Variants in MME observed in about 807,000 individuals in gnomAD.
The protein encoded by MME is membrane metalloendopeptidase.
Under a neutral mutation model 113.2 loss-of-function variants are expected in MME, and 98 were observed. The observed-to-expected ratio is 0.87, with a 90% confidence interval of 0.74 to 1.02. The LOEUF is 1.02. Ranked by LOEUF, MME falls within the 50% of genes least tolerant of loss-of-function variation. The probability of loss-of-function intolerance (pLI) is 0.00; values close to 1 mark genes in which losing one functional copy is unlikely to be tolerated. For missense variants in MME, 836 were observed against 896.0 expected (o/e 0.93, Z 0.86); for synonymous variants, 292 against 300.6 (o/e 0.97, Z 0.30).
chr3:155,100,080 G>A (rs1178724600), intron 3 of MME, among the ~76,000 whole-genome samples: 23 of 152,046 alleles, frequency 1.5e-4, no homozygotes, highest in African/African-American at 2.9e-4. Flanking sequence ...GAGCTTCTGC[G>A]CAGCAAAAGA....
chr3:155,141,487 A>G (rs528807571), intron 10 of MME, among the ~76,000 whole-genome samples: 1 of 152,258 alleles, frequency 6.6e-6, no homozygotes, highest in African/African-American at 2.4e-5. Flanking sequence ...AATATCGATA[A>G]TTGAAAAGAT....
intron 17 of MME, among the ~76,000 whole-genome samples, chr3:155,164,760 C>T (rs1032342339): frequency 6.6e-6 from 1 of 152,150 alleles, no homozygotes; most frequent in African/African-American, 2.4e-5. Context: ...AAAATAAGTT[C>T]ATGGCTCCAT....
chr3:155,052,685 G>C (rs1377383782), intron 1 of MME, among the ~76,000 whole-genome samples: 1 of 152,224 alleles, frequency 6.6e-6, no homozygotes, highest in Non-Finnish European at 1.5e-5. Flanking sequence ...CTCTGGGCCT[G>C]TGATAGAAGG....
intron 3 of MME, chr3:155,112,846 G>A (rs1166178902): frequency 6.6e-6 from 1 of 152,178 alleles, no homozygotes; most frequent in Non-Finnish European, 1.5e-5. Flanking sequence ...AACCATAATT[G>A]CACCCCTGTT....
chr3:155,132,879 C>T (rs1379202657), intron 8 of MME, among the ~76,000 whole-genome samples: 1 of 150,958 alleles, frequency 6.6e-6, no homozygotes. Flanking sequence ...CGTAGTGAAA[C>T]CCCGTCTCTA....
At chr3:155,152,623 T>C (rs1200733251) in intron 16 of MME, among the ~76,000 whole-genome samples, 2 of 152,008 alleles carry the variant, frequency 1.3e-5, no homozygotes, top group African/African-American at 4.8e-5. Flanking sequence ...GGCGGATCAC[T>C]TGAGGTCAGG....
At chr3:155,172,647 A>G in intron 22 of MME, 35 bp downstream of exon 22, 1 of 1,459,666 alleles carries the variant, frequency 6.9e-7, no homozygotes, top group Non-Finnish European at 9.6e-7. Flanking sequence ...AGGTGCTCTT[A>G]TATTGGGTCC....
intron 1 of MME, among the ~76,000 whole-genome samples, chr3:155,072,292 G>A (rs16824540): frequency 0.046 from 6,934 of 150,696 alleles, 176 homozygotes; most frequent in African/African-American, 0.06. Flanking sequence ...CGGACACTCC[G>A]ACTTTATTGC....
chr3:155,038,000 A>G (rs2108118095), intron 1 of MME, among the ~76,000 whole-genome samples: 1 of 152,256 alleles, frequency 6.6e-6, no homozygotes, highest in Admixed American at 6.5e-5. Flanking sequence ...GTGTAATGAA[A>G]CAGATAGTCT....
At chr3:155,160,301 C>T in intron 16 of MME, 89 bp from the exon 17 acceptor site, 1 of 903,868 alleles carries the variant, frequency 1.1e-6, no homozygotes, top group Non-Finnish European at 1.9e-6. Flanking sequence ...TAAGATTCAT[C>T]TAGGAATGGT....
chr3:155,148,433 T>A (rs1721684645), intron 15 of MME, 117 bp from the exon 16 acceptor site: 4 of 700,076 alleles, frequency 5.7e-6, no homozygotes, highest in Non-Finnish European at 7.4e-6. Flanking sequence ...GTAAGTTTTT[T>A]AATGCTCTCT....
At chr3:155,083,041 T>C (rs1046618968) in intron 1 of MME, among the ~76,000 whole-genome samples, 3 of 152,200 alleles carry the variant, frequency 2.0e-5, no homozygotes, top group African/African-American at 7.2e-5. Context: ...TGCAGAAAAA[T>C]GGAAATTGTG....
At chr3:155,090,446 A>C (rs1716189210) in intron 3 of MME, 1 of 152,206 alleles carries the variant, frequency 6.6e-6, no homozygotes, top group Admixed American at 6.5e-5. Context: ...ATAAAGTTTA[A>C]TTTATAAATT....
chr3:155,033,393 G>A (rs534678634), intron 1 of MME, among the ~76,000 whole-genome samples: 6 of 152,124 alleles, frequency 3.9e-5, no homozygotes, highest in African/African-American at 7.2e-5. Flanking sequence ...ATTATATTAA[G>A]CTTTTCTTTA....
chr3:155,131,206 G>A (rs1258516941), intron 8 of MME, among the ~76,000 whole-genome samples: 1 of 152,178 alleles, frequency 6.6e-6, no homozygotes, highest in Non-Finnish European at 1.5e-5. Context: ...GATAACGATG[G>A]ACTCAGATGG....
chr3:155,133,677 T>TACACCATAC (rs2108295041), intron 8 of MME, among the ~76,000 whole-genome samples: 1 of 144,918 alleles, frequency 6.9e-6, no homozygotes, highest in South Asian at 2.2e-4. Flanking sequence ...TATATATATA[T>TACACCATAC]ATATATATAT....
intron 1 of MME, among the ~76,000 whole-genome samples, chr3:155,047,977 A>G (rs78929546): frequency 0.044 from 6,638 of 152,178 alleles, 157 homozygotes; most frequent in African/African-American, 0.052. Context: ...TAGTCTAGTT[A>G]TCATTTCAGT....
chr3:155,025,461 C>T (rs988183554), intron 1 of MME, among the ~76,000 whole-genome samples: 8 of 151,170 alleles, frequency 5.3e-5, no homozygotes, highest in Admixed American at 4.0e-4. Context: ...CCCATCTCTA[C>T]AAAAATACAA....
At chr3:155,088,206 G>A (rs889385925) in intron 3 of MME, among the ~76,000 whole-genome samples, 4 of 141,312 alleles carry the variant, frequency 2.8e-5, no homozygotes, top group Admixed American at 6.8e-5. Flanking sequence ...ACACACACTC[G>A]TGCGCGCACA....
Sources: gnomAD v4.1 joint callset for allele counts (sites outside exome capture counted in the v4.1 genomes callset) on GRCh38, gnomAD v4.1.1 for gene constraint, MANE v1.5 for transcripts, NCBI Gene and HGNC (gene_info 2026-07-23, HGNC 2026-07-21) for gene names.